The following ENAH variants were observed in gnomAD, a reference collection of about 807,000 sequenced individuals.
ENAH encodes the protein ENAH actin regulator.
A neutral mutation model predicts 78.7 loss-of-function variants in ENAH; 23 were observed. The observed-to-expected ratio is 0.29, with a 90% CI of 0.21 to 0.41. The LOEUF (loss-of-function observed/expected upper bound fraction) is 0.41. ENAH is among the 10% of genes least tolerant of loss of function. The pLI is 1.00. For synonymous variants in ENAH, 226 were observed against 241.0 expected, an observed-to-expected ratio of 0.94 and a Z score of 0.58; for missense variants, 544 against 691.0, an observed-to-expected ratio of 0.79 and a Z score of 2.39.
intron 3 of ENAH, among the ~76,000 whole-genome samples, chr1:225,546,837 T>A (rs576128061): frequency 6.6e-6 from 1 of 152,194 alleles, no homozygotes; most frequent in East Asian, 1.9e-4. Flanking sequence ...TTTTGCCACA[T>A]TGTGAACTAT....
intron 1 of ENAH, among the ~76,000 whole-genome samples, chr1:225,645,700 T>C (rs1278259582): frequency 6.6e-6 from 1 of 152,252 alleles, no homozygotes; most frequent in South Asian, 2.1e-4. Context: ...TTTACTCTTA[T>C]CAAGCTCATT....
intron 1 of ENAH, among the ~76,000 whole-genome samples, chr1:225,586,384 C>G (rs967749411): frequency 6.6e-6 from 1 of 151,842 alleles, no homozygotes. Flanking sequence ...AAACTCCAGG[C>G]ACATGGTTTC....
intron 1 of ENAH, among the ~76,000 whole-genome samples, chr1:225,582,354 G>A (rs2096823235): frequency 6.6e-6 from 1 of 152,192 alleles, no homozygotes; most frequent in South Asian, 2.1e-4. Context: ...ATTTATAGCA[G>A]TGAAAAGAAC....
intron 4 of ENAH, among the ~76,000 whole-genome samples, chr1:225,522,808 C>G (rs957604645): frequency 6.6e-6 from 1 of 152,058 alleles, no homozygotes; most frequent in African/African-American, 2.4e-5. Context: ...CTAATTAGAA[C>G]AAATTTAAAT....
chr1:225,530,501 T>C, intron 4 of ENAH, 53 bp downstream of exon 4: 1 of 1,416,400 alleles, frequency 7.1e-7, no homozygotes, highest in South Asian at 1.2e-5. Context: ...GGATGTTCAG[T>C]TTTGTCTTCT....
chr1:225,518,280 T>C (rs969633251), intron 5 of ENAH, among the ~76,000 whole-genome samples: 2 of 152,220 alleles, frequency 1.3e-5, no homozygotes, highest in Non-Finnish European at 2.9e-5. Context: ...CTAGTATTAG[T>C]CTTAATTTTT....
At chr1:225,649,413 T>C (rs1662558169) in intron 1 of ENAH, among the ~76,000 whole-genome samples, 1 of 150,886 alleles carries the variant, frequency 6.6e-6, no homozygotes, top group African/African-American at 2.4e-5. Context: ...AAAAAAAAAA[T>C]CTTAAGTAAC....
At chr1:225,563,501 A>T (rs1001328846) in intron 2 of ENAH, among the ~76,000 whole-genome samples, 1 of 152,190 alleles carries the variant, frequency 6.6e-6, no homozygotes, top group Non-Finnish European at 1.5e-5. Context: ...TATTGATTCA[A>T]ATTTTATCAA....
chr1:225,507,447 A>C, intron 11 of ENAH, among the ~76,000 whole-genome samples: 1 of 152,066 alleles, frequency 6.6e-6, no homozygotes, highest in Non-Finnish European at 1.5e-5. Context: ...TCTTGAGAGT[A>C]ATAATGGTAT....
intron 10 of ENAH, among the ~76,000 whole-genome samples, chr1:225,510,686 C>T (rs2096369695): frequency 7.6e-6 from 1 of 131,056 alleles, no homozygotes; most frequent in South Asian, 2.5e-4. Flanking sequence ...AAAACAAAAA[C>T]TTCAGAGGTA....
chr1:225,589,781 G>C (rs2096866542), intron 1 of ENAH, among the ~76,000 whole-genome samples: 1 of 152,118 alleles, frequency 6.6e-6, no homozygotes, highest in Non-Finnish European at 1.5e-5. Context: ...GTAGGCTCTA[G>C]ATTGTGGGTA....
intron 1 of ENAH, among the ~76,000 whole-genome samples, chr1:225,586,822 G>C (rs751414531): frequency 3.3e-5 from 5 of 151,860 alleles, no homozygotes; most frequent in African/African-American, 9.7e-5. Flanking sequence ...GCAGGAGTTC[G>C]AGACCAGCCT....
At chr1:225,566,785 C>T (rs918633050) in intron 2 of ENAH, among the ~76,000 whole-genome samples, 3 of 152,130 alleles carry the variant, frequency 2.0e-5, no homozygotes, top group Non-Finnish European at 4.4e-5. Context: ...ACTGCAAAAG[C>T]CAAACTATTC....
At chr1:225,506,964 T>C (rs1558717744) in intron 11 of ENAH, among the ~76,000 whole-genome samples, 1 of 152,066 alleles carries the variant, frequency 6.6e-6, no homozygotes, top group Admixed American at 6.5e-5. Context: ...AAAGACAAAA[T>C]ACCTTTTAGT....
chr1:225,555,814 T>A (rs952219300), intron 2 of ENAH, among the ~76,000 whole-genome samples: 2 of 152,122 alleles, frequency 1.3e-5, no homozygotes, highest in Non-Finnish European at 2.9e-5. Flanking sequence ...ACTTCTAACA[T>A]CATAAATTAC....
chr1:225,625,768 G>C (rs1269844361), intron 1 of ENAH, among the ~76,000 whole-genome samples: 3 of 152,092 alleles, frequency 2.0e-5, no homozygotes, highest in Non-Finnish European at 2.9e-5. Context: ...CACCCACCTC[G>C]GCCTCCCAAA....
chr1:225,561,352 A>G (rs1000826504), intron 2 of ENAH, among the ~76,000 whole-genome samples: 8 of 152,056 alleles, frequency 5.3e-5, no homozygotes, highest in South Asian at 2.1e-4. Flanking sequence ...GGCTGGGTGC[A>G]GTGGCTTACG....
intron 3 of ENAH, among the ~76,000 whole-genome samples, chr1:225,549,912 T>G (rs2096633438): frequency 6.6e-6 from 1 of 152,326 alleles, no homozygotes; most frequent in Admixed American, 6.5e-5. Flanking sequence ...TTGATCTTCA[T>G]GCTTGTAAAC....
rs1388988824 is a variant in ENAH, at chr1:225,495,374, G to A, written c.*2401C>T. The A allele has an allele frequency of 6.6e-6, 1 of 150,584 alleles. No individual in the cohort carries two copies. The highest frequency in any genetic ancestry group is 2.0e-4 in the East Asian group (1 of 5,028). The allele number at this position is 150,584 out of a possible 1,614,324, so 9.3% of individuals were successfully genotyped here. ...ACAACTGTCATGTATGATAGCAAAT[G>A]TATATAATAATTCATTCAGACTTCT... On this transcript the variant is annotated 3_prime_UTR_variant, in exon 14 of 14. Coordinates refer to ENST00000366843, the MANE Select transcript of ENAH (RefSeq NM_018212.6).
Sources: gnomAD v4.1 joint callset for allele counts (sites outside exome capture counted in the v4.1 genomes callset) on GRCh38, gnomAD v4.1.1 for gene constraint, MANE v1.5 for transcripts, NCBI Gene and HGNC (gene_info 2026-07-23, HGNC 2026-07-21) for gene names.